The following KCNIP1 variants were observed in gnomAD, a reference collection of about 807,000 sequenced individuals.
KCNIP1 encodes the protein A-type potassium channel modulatory protein KCNIP1.
In KCNIP1, 18 loss-of-function variants were observed where a neutral mutation model predicts 33.0. That is an observed-to-expected ratio of 0.55 (90% CI 0.38 to 0.81). KCNIP1 has a LOEUF of 0.81. Ranked by LOEUF, KCNIP1 falls within the 30% of genes least tolerant of loss-of-function variation. KCNIP1 has a pLI of 0.00. For synonymous variants in KCNIP1, 93 were observed against 98.3 expected (o/e 0.95, Z 0.32); for missense variants, 238 against 271.6 (o/e 0.88, Z 0.87).
intron 1 of KCNIP1, among the ~76,000 whole-genome samples, chr5:170,401,575 G>A (rs1754904492): frequency 2.0e-5 from 3 of 152,134 alleles, no homozygotes; most frequent in Non-Finnish European, 4.4e-5. Flanking sequence ...ACCAGCCTGG[G>A]CAACATAGTG....
intron 1 of KCNIP1, chr5:170,378,809 G>T (rs569994679): frequency 6.2e-7 from 1 of 1,614,248 alleles, no homozygotes; most frequent in Non-Finnish European, 8.5e-7. Flanking sequence ...GGGAGAAGAG[G>T]AGGGCCTGGG....
chr5:170,526,821 C>T (rs1031208538), intron 1 of KCNIP1, among the ~76,000 whole-genome samples: 1 of 150,512 alleles, frequency 6.6e-6, no homozygotes, highest in East Asian at 2.0e-4. Context: ...CTACCAGGTT[C>T]CAGTGATTCT....
chr5:170,565,679 G>A (rs571981151), intron 1 of KCNIP1, among the ~76,000 whole-genome samples: 2 of 152,144 alleles, frequency 1.3e-5, no homozygotes, highest in African/African-American at 4.8e-5. Context: ...TTGGTTCAAG[G>A]CATGTGTTTT....
intron 1 of KCNIP1, among the ~76,000 whole-genome samples, chr5:170,439,173 A>G (rs553401424): frequency 7.2e-5 from 11 of 152,292 alleles, no homozygotes; most frequent in African/African-American, 2.4e-4. Flanking sequence ...TTCTATACCC[A>G]CTTAATAAAC....
intron 1 of KCNIP1, among the ~76,000 whole-genome samples, chr5:170,602,343 C>T (rs74343765): frequency 0.022 from 3,417 of 152,312 alleles, 136 homozygotes; most frequent in African/African-American, 0.076. Flanking sequence ...CAAATCCCAC[C>T]GCTGGGCCTC....
chr5:170,476,215 T>C (rs114582108), intron 1 of KCNIP1, among the ~76,000 whole-genome samples: 14,507 of 152,192 alleles, frequency 0.095, 1,212 homozygotes, highest in African/African-American at 0.22. Context: ...AAGCAATCCA[T>C]CAGCCTTGGC....
intron 1 of KCNIP1, among the ~76,000 whole-genome samples, chr5:170,608,281 G>A (rs547167001): frequency 6.6e-6 from 1 of 152,346 alleles, no homozygotes; most frequent in Non-Finnish European, 1.5e-5. Context: ...ACAGTTAAAG[G>A]GGAACAGGCT....
intron 1 of KCNIP1, among the ~76,000 whole-genome samples, chr5:170,510,321 G>A (rs1754884312): frequency 6.6e-6 from 1 of 152,228 alleles, no homozygotes; most frequent in Non-Finnish European, 1.5e-5. Flanking sequence ...CAGGGCCTCT[G>A]TCAGGCCTGA....
At chr5:170,643,283 C>T (rs1760650396) in intron 1 of KCNIP1, among the ~76,000 whole-genome samples, 1 of 152,264 alleles carries the variant, frequency 6.6e-6, no homozygotes, top group African/African-American at 2.4e-5. Flanking sequence ...TGGCCAACAC[C>T]TTGACTTTAG....
At chr5:170,452,514 C>T (rs555511393) in intron 1 of KCNIP1, among the ~76,000 whole-genome samples, 106 of 152,248 alleles carry the variant, frequency 7.0e-4, no homozygotes, top group Admixed American at 1.2e-3. Context: ...GATGTTAGGC[C>T]AGCCTTGATG....
chr5:170,450,267 C>T (rs989188788), intron 1 of KCNIP1, among the ~76,000 whole-genome samples: 1 of 152,142 alleles, frequency 6.6e-6, no homozygotes, highest in Admixed American at 6.5e-5. Context: ...GCACCCTCCT[C>T]GGTGCCTGTG....
chr5:170,691,351 C>T (rs1762713277), intron 1 of KCNIP1, among the ~76,000 whole-genome samples: 1 of 152,178 alleles, frequency 6.6e-6, no homozygotes, highest in African/African-American at 2.4e-5. Context: ...GTGTATTTCA[C>T]AGAATGTTTA....
At chr5:170,496,653 T>C (rs1757316113) in intron 1 of KCNIP1, among the ~76,000 whole-genome samples, 1 of 152,216 alleles carries the variant, frequency 6.6e-6, no homozygotes, top group Non-Finnish European at 1.5e-5. Context: ...CATTGACTCC[T>C]GGACATTTAC....
At chr5:170,713,006 T>TA (rs2113858687) in intron 1 of KCNIP1, 1 of 827,188 alleles carries the variant, frequency 1.2e-6, no homozygotes, top group Admixed American at 1.8e-5. Flanking sequence ...TGTCCTTTGT[T>TA]AACAAGCCCC....
chr5:170,418,022 C>T (rs753099041), intron 1 of KCNIP1, among the ~76,000 whole-genome samples: 2 of 152,224 alleles, frequency 1.3e-5, no homozygotes, highest in Non-Finnish European at 2.9e-5. Context: ...ACCACTCTTT[C>T]ACTTTCCACC....
At chr5:170,379,534 G>C (rs760347197) in intron 1 of KCNIP1, among the ~76,000 whole-genome samples, 2 of 152,178 alleles carry the variant, frequency 1.3e-5, no homozygotes, top group Non-Finnish European at 2.9e-5. Flanking sequence ...AGGAAGAATT[G>C]CCAGGGTGTG....
intron 1 of KCNIP1, among the ~76,000 whole-genome samples, chr5:170,388,510 T>C (rs1218324319): frequency 6.6e-6 from 1 of 152,222 alleles, no homozygotes; most frequent in Non-Finnish European, 1.5e-5. Flanking sequence ...TTCCAGGATA[T>C]ATCTTCCCAT....
chr5:170,729,072 T>C (rs1200469411), intron 5 of KCNIP1, among the ~76,000 whole-genome samples: 2 of 152,032 alleles, frequency 1.3e-5, no homozygotes, highest in African/African-American at 4.8e-5. Flanking sequence ...TGGTTAACTA[T>C]TTTGGCAATA....
chr5:170,430,031 A>C (rs541847078), intron 1 of KCNIP1, among the ~76,000 whole-genome samples: 69 of 152,300 alleles, frequency 4.5e-4, no homozygotes, highest in African/African-American at 1.6e-3. Context: ...GTCCCCACAG[A>C]TTTCACCACT....
Sources: gnomAD v4.1 joint callset for allele counts (sites outside exome capture counted in the v4.1 genomes callset) on GRCh38, gnomAD v4.1.1 for gene constraint, MANE v1.5 for transcripts, NCBI Gene and HGNC (gene_info 2026-07-23, HGNC 2026-07-21) for gene names.